Variants in FOXP1 observed in about 807,000 individuals in gnomAD.
FOXP1 encodes the protein forkhead box P1.
Under a neutral mutation model 98.2 loss-of-function variants are expected in FOXP1, and 15 were observed. That is an observed-to-expected ratio of 0.15 (90% CI 0.10 to 0.24). FOXP1 has a LOEUF of 0.24. Among genes scored for constraint, FOXP1 ranks in the 10% least tolerant of loss-of-function variants. FOXP1 has a pLI of 1.00. For missense variants in FOXP1, 633 were observed against 848.5 expected, an observed-to-expected ratio of 0.75 and a Z score of 3.15; for synonymous variants, 371 against 314.5, an observed-to-expected ratio of 1.18 and a Z score of -1.90.
intron 7 of FOXP1, among the ~76,000 whole-genome samples, chr3:71,089,944 C>T (rs1192155465): frequency 6.6e-6 from 1 of 152,166 alleles, no homozygotes; most frequent in African/African-American, 2.4e-5. Context: ...CTCCAGATAA[C>T]TGGTGCTATG....
rs1388659601 is a variant in FOXP1 at position 71,396,919 on chromosome 3, TATATATATATATATACAC to T, written c.-167-37693_-167-37676del. Among the ~76,000 whole-genome samples, 23 of 83,752 alleles carry T rather than the reference TATATATATATATATACAC, an allele frequency of 2.7e-4. No homozygotes were observed. The East Asian group carries it at 5.1e-3, about 19-fold the overall frequency. The allele number at this position is 83,752 out of a possible 152,430, so 54.9% of individuals were successfully genotyped here. On this transcript the variant is annotated intron_variant, in intron 3 of 20. Coordinates refer to ENST00000649528, the MANE Select transcript of FOXP1 (RefSeq NM_001349338.3). ...GTCATAAGGAACATATATATGTGTG[TATATATATATATATACAC>T]ATATATATATGTGTATATATATATA...
chr3:71,289,046 A>T (rs1188815963), intron 5 of FOXP1, among the ~76,000 whole-genome samples: 14 of 136,780 alleles, frequency 1.0e-4, no homozygotes, highest in African/African-American at 3.7e-4. Context: ...TTATTTATTT[A>T]TTTTTTGAGA....
chr3:71,176,007 C>T (rs898882101), intron 6 of FOXP1, among the ~76,000 whole-genome samples: 3 of 152,198 alleles, frequency 2.0e-5, no homozygotes, highest in Non-Finnish European at 4.4e-5. Context: ...ATTAAAATAA[C>T]GAAAGTAACT....
At chr3:71,463,436 T>C (rs1406564399) in intron 3 of FOXP1, among the ~76,000 whole-genome samples, 1 of 145,226 alleles carries the variant, frequency 6.9e-6, no homozygotes, top group Non-Finnish European at 1.5e-5. Context: ...AGCTCACACC[T>C]ACCACATGGC....
At chr3:71,558,594 A>C (rs1191235706) in intron 2 of FOXP1, among the ~76,000 whole-genome samples, 1 of 151,200 alleles carries the variant, frequency 6.6e-6, no homozygotes, top group Non-Finnish European at 1.5e-5. Context: ...TCCGGGATTC[A>C]AGCGATTCTC....
At chr3:71,015,412 T>TA in intron 12 of FOXP1, 137 bp downstream of exon 12, 4 of 647,454 alleles carry the variant, frequency 6.2e-6, no homozygotes, top group Non-Finnish European at 1.2e-5. Context: ...GACAGTGCAC[T>TA]AGACCTTGTG....
intron 3 of FOXP1, among the ~76,000 whole-genome samples, chr3:71,415,189 G>A (rs752458988): frequency 3.5e-4 from 54 of 152,134 alleles, no homozygotes; most frequent in Non-Finnish European, 6.2e-4. Context: ...CATTCGACAC[G>A]TGTCTGTATC....
At chr3:71,174,979 T>C (rs988874246) in intron 6 of FOXP1, among the ~76,000 whole-genome samples, 4 of 151,348 alleles carry the variant, frequency 2.6e-5, no homozygotes, top group Admixed American at 2.0e-4. Context: ...AGCGCCATGA[T>C]CTCAGCTCAC....
At chr3:71,243,766 A>T (rs993139423) in intron 5 of FOXP1, among the ~76,000 whole-genome samples, 4 of 152,186 alleles carry the variant, frequency 2.6e-5, no homozygotes, top group African/African-American at 4.8e-5. Context: ...ATGAAGCTGC[A>T]CCACTCTAGT....
intron 3 of FOXP1, among the ~76,000 whole-genome samples, chr3:71,453,872 C>A (rs929032067): frequency 6.6e-6 from 1 of 152,208 alleles, no homozygotes; most frequent in African/African-American, 2.4e-5. Context: ...AGACTCTCCT[C>A]ATCCCTTTTT....
At chr3:71,365,057 T>C (rs1274269626) in intron 3 of FOXP1, among the ~76,000 whole-genome samples, 1 of 152,216 alleles carries the variant, frequency 6.6e-6, no homozygotes, top group Non-Finnish European at 1.5e-5. Flanking sequence ...CAAGTGGGTG[T>C]TGTTGTGTTC....
chr3:71,005,946 T>C (rs1576078974), intron 12 of FOXP1, among the ~76,000 whole-genome samples: 1 of 152,252 alleles, frequency 6.6e-6, no homozygotes, highest in East Asian at 1.9e-4. Flanking sequence ...TCTGGATTTA[T>C]ATCTGTAAGT....
intron 7 of FOXP1, among the ~76,000 whole-genome samples, chr3:71,082,614 T>TA (rs1379377957): frequency 8.1e-5 from 7 of 86,308 alleles, no homozygotes; most frequent in African/African-American, 1.2e-4. Flanking sequence ...ACCCAGAACT[T>TA]AAAGTATAAT....
chr3:70,968,390 G>A (rs1416373766), intron 19 of FOXP1: 1 of 127,320 alleles, frequency 7.9e-6, no homozygotes, highest in Non-Finnish European at 1.6e-5. Context: ...TTTGGTAGTT[G>A]ATGTCCACTT....
intron 10 of FOXP1, among the ~76,000 whole-genome samples, chr3:71,046,461 T>C (rs2049048481): frequency 6.6e-6 from 1 of 152,196 alleles, no homozygotes; most frequent in Admixed American, 6.5e-5. Flanking sequence ...TAAGAGAAAG[T>C]GGTTGATTTC....
intron 11 of FOXP1, among the ~76,000 whole-genome samples, chr3:71,036,401 T>G (rs2047596837): frequency 1.3e-5 from 2 of 152,156 alleles, no homozygotes; most frequent in African/African-American, 4.8e-5. Context: ...TGATCAGGGT[T>G]TAAGGAAACA....
At chr3:71,387,473 CTT>C (rs1476956757) in intron 3 of FOXP1, among the ~76,000 whole-genome samples, 1 of 152,174 alleles carries the variant, frequency 6.6e-6, no homozygotes, top group East Asian at 1.9e-4. Context: ...ATTTCTTTCT[CTT>C]TCTCATTATA....
chr3:71,099,632 C>T (rs1421410654), intron 7 of FOXP1, among the ~76,000 whole-genome samples: 1 of 152,198 alleles, frequency 6.6e-6, no homozygotes, highest in Non-Finnish European at 1.5e-5. Flanking sequence ...AGGTTACCAG[C>T]CACATTCTCT....
chr3:71,075,094 G>T (rs1453817545), intron 7 of FOXP1, among the ~76,000 whole-genome samples: 2 of 152,180 alleles, frequency 1.3e-5, no homozygotes, highest in Admixed American at 1.3e-4. Flanking sequence ...AGCTTATTTG[G>T]TCTCTAATCA....
Sources: gnomAD v4.1 joint callset for allele counts (sites outside exome capture counted in the v4.1 genomes callset) on GRCh38, gnomAD v4.1.1 for gene constraint, MANE v1.5 for transcripts, NCBI Gene and HGNC (gene_info 2026-07-23, HGNC 2026-07-21) for gene names.